PHF20L1: variants seen among roughly 807,000 people sequenced by gnomAD.
PHF20L1 encodes PHD finger protein 20-like protein 1.
In PHF20L1, 44 loss-of-function variants were observed where a neutral mutation model predicts 125.5. The ratio of observed to expected loss-of-function variants is 0.35; its 90% CI spans 0.28 to 0.45. The LOEUF (loss-of-function observed/expected upper bound fraction) is 0.45. PHF20L1 is among the 20% of genes least tolerant of loss of function. The pLI, the probability that PHF20L1 is intolerant of heterozygous loss-of-function variation, is 1.00. For missense variants in PHF20L1, 1,012 were observed against 1,217.2 expected, an observed-to-expected ratio of 0.83 and a Z score of 2.51; for synonymous variants, 380 against 403.1, an observed-to-expected ratio of 0.94 and a Z score of 0.69.
intron 2 of PHF20L1, among the ~76,000 whole-genome samples, chr8:132,780,528 C>T (rs1830308510): frequency 6.6e-6 from 1 of 152,112 alleles, no homozygotes; most frequent in Admixed American, 6.5e-5. Context: ...TTCTCCCACT[C>T]TTCTCTTTCC....
chr8:132,802,094 G>A (rs1194786269), intron 6 of PHF20L1, among the ~76,000 whole-genome samples: 2 of 149,552 alleles, frequency 1.3e-5, no homozygotes, highest in African/African-American at 4.9e-5. Flanking sequence ...TTGTCTGATT[G>A]TACTTACTCT....
chr8:132,799,486 C>G (rs1202653495), intron 6 of PHF20L1: 1 of 192,472 alleles, frequency 5.2e-6, no homozygotes, highest in Non-Finnish European at 1.0e-5. Context: ...CATTTGTTGG[C>G]TATGTTTTCT....
chr8:132,814,000 G>A (rs1429206950), intron 9 of PHF20L1, among the ~76,000 whole-genome samples: 1 of 150,790 alleles, frequency 6.6e-6, no homozygotes, highest in African/African-American at 2.4e-5. Flanking sequence ...TGTTGTTGTT[G>A]CTTGTTTTGT....
intron 2 of PHF20L1, among the ~76,000 whole-genome samples, chr8:132,788,255 AAATG>A (rs1054888715): frequency 6.6e-6 from 1 of 152,108 alleles, no homozygotes; most frequent in Non-Finnish European, 1.5e-5. Context: ...TGAATAAATG[AAATG>A]AATGAGGACT....
rs1475532187 is a variant in PHF20L1 at position 132,848,291 on chromosome 8, T to G, written c.*2368T>G. 6.6e-6 allele frequency: 1 copy of G among 152,546 alleles called. No homozygotes were observed. The highest frequency in any genetic ancestry group is 2.4e-5 in the African/African-American group (1 of 41,464). 9.4% of individuals were successfully genotyped at this position (152,546 alleles called of 1,614,324 possible). A position where few individuals can be genotyped will look rare whatever the true frequency, so the allele number is the denominator to read the frequency against. On this transcript the variant is annotated 3_prime_UTR_variant, in exon 21 of 21. Coordinates refer to ENST00000395386, the MANE Select transcript of PHF20L1 (RefSeq NM_016018.5). ...TTTAGATCTTTAAATCAAATTATTTTTATGCATATTTTCATTTAATATAGA... is the reference window on the plus strand; with the variant it reads ...TTTAGATCTTTAAATCAAATTATTTGTATGCATATTTTCATTTAATATAGA...
intron 19 of PHF20L1, 176 bp downstream of exon 19, chr8:132,843,051 A>C: frequency 4.5e-6 from 6 of 1,336,930 alleles, no homozygotes; most frequent in Non-Finnish European, 5.7e-6. Flanking sequence ...GGCCATTTGA[A>C]CATTTGATTA....
At chr8:132,811,019 A>C (rs768320732) in intron 8 of PHF20L1, 27 bp from the exon 9 acceptor site, 51 of 1,409,524 alleles carry the variant, frequency 3.6e-5, no homozygotes, top group Non-Finnish European at 5.0e-5. Context: ...TTTTCTAATA[A>C]GCAATTTCTG....
chr8:132,796,831 C>T (rs1172756081), intron 4 of PHF20L1, among the ~76,000 whole-genome samples: 1 of 152,064 alleles, frequency 6.6e-6, no homozygotes, highest in African/African-American at 2.4e-5. Context: ...GAAGTAAAAT[C>T]TCTTCTGTTG....
chr8:132,805,260 G>T (rs1369900460), intron 8 of PHF20L1, among the ~76,000 whole-genome samples: 1 of 151,746 alleles, frequency 6.6e-6, no homozygotes, highest in East Asian at 1.9e-4. Flanking sequence ...TTACTCTTCA[G>T]GTTGGTCACA....
intron 14 of PHF20L1, among the ~76,000 whole-genome samples, chr8:132,828,809 A>G (rs891005456): frequency 6.6e-6 from 1 of 152,088 alleles, no homozygotes; most frequent in African/African-American, 2.4e-5. Context: ...CTGCAGGCAT[A>G]CAGAGATTAA....
intron 9 of PHF20L1, chr8:132,812,498 T>C (rs1834512512): frequency 1.0e-6 from 1 of 984,698 alleles, no homozygotes; most frequent in African/African-American, 1.7e-5. Flanking sequence ...GCTGTTTCTA[T>C]TTTCATAATT....
At chr8:132,818,294 A>G (rs1201847886) in intron 12 of PHF20L1, 1 of 151,918 alleles carries the variant, frequency 6.6e-6, no homozygotes, top group Non-Finnish European at 1.5e-5. Context: ...TACTGTTGGA[A>G]CTAGATGTTT....
In PHF20L1 at chr8:132,847,552, T is replaced by C. The variant is rs1436960447; in HGVS notation, c.*1629T>C. 2 of 152,634 alleles carry C rather than the reference T, an allele frequency of 1.3e-5. No homozygotes were observed. The highest frequency in any genetic ancestry group is 2.4e-5 in the African/African-American group (1 of 41,472). 9.5% of individuals were successfully genotyped at this position (152,634 alleles called of 1,614,324 possible). On this transcript the variant is annotated 3_prime_UTR_variant, in exon 21 of 21. Coordinates refer to ENST00000395386, the MANE Select transcript of PHF20L1 (RefSeq NM_016018.5). ...TTGTTCTATATGTAAGGGTACTGTA[T>C]GTAAAACTCTGTATTAAAACTATTC...
At chr8:132,798,707 G>C in intron 4 of PHF20L1, 65 bp from the exon 5 acceptor site, 1 of 1,004,000 alleles carries the variant, frequency 1.0e-6, no homozygotes, top group South Asian at 1.5e-5. Context: ...CTACTTGTTA[G>C]ATTTCAAGTG....
intron 14 of PHF20L1, among the ~76,000 whole-genome samples, chr8:132,830,425 T>G (rs1040864070): frequency 3.3e-5 from 5 of 152,096 alleles, no homozygotes; most frequent in Admixed American, 2.0e-4. Context: ...ACATAGACAT[T>G]TTTGGCAGAC....
chr8:132,795,577 A>G (rs1832290868), intron 4 of PHF20L1, among the ~76,000 whole-genome samples: 1 of 152,138 alleles, frequency 6.6e-6, no homozygotes, highest in African/African-American at 2.4e-5. Flanking sequence ...CATTTAAAAA[A>G]GTTTTGGAAT....
chr8:132,801,477 A>G (rs894495115), intron 6 of PHF20L1, among the ~76,000 whole-genome samples: 6 of 151,708 alleles, frequency 4.0e-5, no homozygotes, highest in Non-Finnish European at 5.9e-5. Context: ...TTTTAATGCA[A>G]TATTCTATTA....
chr8:132,816,976 T>C lies in PHF20L1; in HGVS notation c.1272T>C (p.Pro424=). The stretch of plus-strand genomic sequence containing the variant: ...AGCGTTTAGCCACCTTACCCATGCC[T>C]GATGATTCTGTAGAAAAGGTTTCTT... ...RSQRLATLPM[P]DDSVEKVSSP... The change falls in exon 11 of 21, where the codon CCT becomes CCC. Residue 424 remains proline (P), a synonymous_variant. Coordinates refer to ENST00000395386, the MANE Select transcript of PHF20L1 (RefSeq NM_016018.5). The C allele has an allele frequency of 6.2e-7, 1 of 1,611,130 alleles. No homozygotes were observed. The highest frequency in any genetic ancestry group is 8.5e-7 in the Non-Finnish European group (1 of 1,178,106).
intron 2 of PHF20L1, among the ~76,000 whole-genome samples, chr8:132,790,505 A>G (rs939198275): frequency 6.6e-6 from 1 of 152,158 alleles, no homozygotes. Flanking sequence ...TGCTATTTCA[A>G]AGCCCTTCAA....
Sources: gnomAD v4.1 joint callset for allele counts (sites outside exome capture counted in the v4.1 genomes callset) on GRCh38, gnomAD v4.1.1 for gene constraint, MANE v1.5 for transcripts, NCBI Gene and HGNC (gene_info 2026-07-23, HGNC 2026-07-21) for gene names.